Variants in SORCS3 observed in about 807,000 individuals in gnomAD.
SORCS3 encodes the protein sortilin related VPS10 domain containing receptor 3, also known as VPS10 domain-containing receptor SorCS3.
In SORCS3, 57 loss-of-function variants were observed where a neutral mutation model predicts 146.3. The observed-to-expected ratio is 0.39, with a 90% CI of 0.31 to 0.49. The LOEUF (loss-of-function observed/expected upper bound fraction) is 0.49. SORCS3 is among the 20% of genes least tolerant of loss of function. The pLI, the probability that SORCS3 is intolerant of heterozygous loss-of-function variation, is 0.92. For missense variants in SORCS3, 1,341 were observed against 1,575.5 expected (o/e 0.85, Z 2.52); for synonymous variants, 653 against 618.5 (o/e 1.06, Z -0.83).
At chr10:105,052,554 G>T (rs905173176) in intron 5 of SORCS3, among the ~76,000 whole-genome samples, 8 of 152,036 alleles carry the variant, frequency 5.3e-5, no homozygotes, top group African/African-American at 1.9e-4. Context: ...TGTCTATGAG[G>T]GTGGTGGGTC....
chr10:105,089,887 G>GCAGA, intron 6 of SORCS3, 48 bp downstream of exon 6: 13 of 1,435,640 alleles, frequency 9.1e-6, no homozygotes, highest in South Asian at 1.1e-5. Context: ...CTGCCTGCAG[G>GCAGA]TCTCTGTCCT....
chr10:104,881,810 T>C (rs1362732215), intron 2 of SORCS3, among the ~76,000 whole-genome samples: 2 of 152,166 alleles, frequency 1.3e-5, no homozygotes, highest in Non-Finnish European at 2.9e-5. Flanking sequence ...ACCAGCTCCA[T>C]CCCTAACTGG....
At chr10:104,837,507 C>G (rs1277624693) in intron 1 of SORCS3, among the ~76,000 whole-genome samples, 1 of 152,132 alleles carries the variant, frequency 6.6e-6, no homozygotes, top group Admixed American at 6.5e-5. Context: ...CTCCTGCTGT[C>G]TAAAATCCCC....
chr10:105,083,963 G>A (rs2055642158), intron 5 of SORCS3, among the ~76,000 whole-genome samples: 1 of 152,300 alleles, frequency 6.6e-6, no homozygotes, highest in African/African-American at 2.4e-5. Flanking sequence ...TACAGGAGAA[G>A]TTAAGCTTAT....
chr10:105,139,543 A>C, intron 8 of SORCS3, 57 bp downstream of exon 8: 2 of 1,381,886 alleles, frequency 1.4e-6, no homozygotes, highest in Admixed American at 1.7e-5. Flanking sequence ...AGGGTTGGAG[A>C]GGCTGCTTTG....
In SORCS3 at chr10:104,957,627, C is replaced by T. The variant is rs184690400; in HGVS notation, c.796-19708C>T. Reference sequence around the variant, plus strand: ...AATACAAAACCATCACATTTGGGCTCCTCTGTTTCTTACCTCTTCAGTCCT... The same window carrying T: ...AATACAAAACCATCACATTTGGGCTTCTCTGTTTCTTACCTCTTCAGTCCT... On this transcript the variant is annotated intron_variant, in intron 3 of 26. Transcript: ENST00000369701. Among the ~76,000 whole-genome samples the T allele has an allele frequency of 1.3e-4, 20 of 152,072 alleles. No individual in the cohort carries two copies. In the East Asian group the frequency reaches 3.1e-3, roughly 23 times the overall value.
At chr10:104,966,895 A>T (rs540134111) in intron 3 of SORCS3, among the ~76,000 whole-genome samples, 2 of 152,094 alleles carry the variant, frequency 1.3e-5, no homozygotes, top group Admixed American at 1.3e-4. Flanking sequence ...GCAATATACC[A>T]TTAAAATTAA....
intron 5 of SORCS3, among the ~76,000 whole-genome samples, chr10:105,077,104 A>T (rs2055593685): frequency 6.6e-6 from 1 of 152,228 alleles, no homozygotes; most frequent in South Asian, 2.1e-4. Flanking sequence ...TAAAGATATC[A>T]GATTAAATTA....
At chr10:105,252,590 T>G (rs1355359069) in intron 22 of SORCS3, among the ~76,000 whole-genome samples, 185 bp from the exon 23 acceptor site, 1 of 152,220 alleles carries the variant, frequency 6.6e-6, no homozygotes, top group East Asian at 1.9e-4. Context: ...AAACTAATAA[T>G]GTTTTACCTA....
chr10:104,721,498 T>G (rs1235885848), intron 1 of SORCS3, among the ~76,000 whole-genome samples: 1 of 151,464 alleles, frequency 6.6e-6, no homozygotes, highest in Non-Finnish European at 1.5e-5. Context: ...AAGTAGTTTT[T>G]TCCAATTCTG....
At position 104,864,532 on chromosome 10, in the gene SORCS3, G is replaced by A. The variant is rs551146958; in HGVS notation, c.695+21673G>A. 2.0e-5 allele frequency among the ~76,000 whole-genome samples: 3 copies of A among 152,210 alleles called. No homozygotes were observed. In the East Asian group the frequency reaches 5.8e-4, roughly 29 times the overall value. On this transcript the variant is annotated intron_variant, in intron 2 of 26. Coordinates refer to ENST00000369701, the MANE Select transcript of SORCS3 (RefSeq NM_014978.3). ...CCTGGTTAACAAAGCTTGTCCATAG[G>A]GTCTCACTGGGTGATATTCTCTCTC...
At chr10:104,943,415 T>C (rs1181302322) in intron 3 of SORCS3, among the ~76,000 whole-genome samples, 3 of 152,224 alleles carry the variant, frequency 2.0e-5, no homozygotes, top group Non-Finnish European at 4.4e-5. Context: ...CATAAGCCAC[T>C]GTGCCCGGCC....
At chr10:105,251,146 TG>T (rs928991022) in intron 22 of SORCS3, among the ~76,000 whole-genome samples, 21 of 152,220 alleles carry the variant, frequency 1.4e-4, no homozygotes, top group African/African-American at 4.8e-4. Context: ...AAGGTTTAAC[TG>T]ACTCACAGTT....
At chr10:105,248,982 G>T (rs572243409) in intron 22 of SORCS3, among the ~76,000 whole-genome samples, 6 of 152,264 alleles carry the variant, frequency 3.9e-5, no homozygotes, top group African/African-American at 1.4e-4. Flanking sequence ...ATGCATAGTT[G>T]GGGAGACATT....
chr10:104,799,627 G>A (rs1303171556), intron 1 of SORCS3, among the ~76,000 whole-genome samples: 1 of 152,132 alleles, frequency 6.6e-6, no homozygotes, highest in African/African-American at 2.4e-5. Flanking sequence ...AAACCACCAG[G>A]GCACGTGTAT....
At chr10:104,732,638 A>T (rs1484704413) in intron 1 of SORCS3, among the ~76,000 whole-genome samples, 1 of 152,184 alleles carries the variant, frequency 6.6e-6, no homozygotes, top group Non-Finnish European at 1.5e-5. Flanking sequence ...GCACGCGTGC[A>T]TGCTGCTGCT....
At chr10:105,260,050 A>T (rs1283589885) in intron 25 of SORCS3, among the ~76,000 whole-genome samples, 1 of 152,224 alleles carries the variant, frequency 6.6e-6, no homozygotes, top group Non-Finnish European at 1.5e-5. Context: ...AAATTTTTAA[A>T]ATTATGCAAA....
rs768078150 is a variant in SORCS3, at chr10:105,157,274, A to G, written c.1619A>G (p.His540Arg). Residue 540 changes from histidine (H) to arginine (R), a missense_variant, in exon 10 of 27, where the codon CAC (histidine) becomes CGC (arginine). His to Arg is a conservative substitution (Grantham distance 29, BLOSUM62 0). Coordinates refer to ENST00000369701, the MANE Select transcript of SORCS3 (RefSeq NM_014978.3). Reference protein sequence around the residue: ...PDVDLRGSPVHCLLPFCSLHL... With the variant: ...PDVDLRGSPVRCLLPFCSLHL... Reference sequence around the variant, plus strand: ...GTGGACCTGAGAGGAAGCCCAGTGCACTGCCTGCTGGTCAGTCACTCAGCC... The same window carrying G: ...GTGGACCTGAGAGGAAGCCCAGTGCGCTGCCTGCTGGTCAGTCACTCAGCC... 1.9e-6 allele frequency: 3 copies of G among 1,613,982 alleles called. No homozygotes were observed. Among genetic ancestry groups the G allele is most frequent in the Non-Finnish European group, 2.5e-6 (3 of 1,179,882 alleles).
chr10:105,183,635 A>G (rs1449103862), intron 14 of SORCS3, among the ~76,000 whole-genome samples: 2 of 152,174 alleles, frequency 1.3e-5, no homozygotes, highest in African/African-American at 4.8e-5. Flanking sequence ...GTAATCGGCA[A>G]ATCCGGTGGA....
Sources: gnomAD v4.1 joint callset for allele counts (sites outside exome capture counted in the v4.1 genomes callset) on GRCh38, gnomAD v4.1.1 for gene constraint, MANE v1.5 for transcripts, NCBI Gene and HGNC (gene_info 2026-07-23, HGNC 2026-07-21) for gene names.